The following DYNC2I1 variants were observed in gnomAD, a reference collection of about 807,000 sequenced individuals.
DYNC2I1 encodes the protein cytoplasmic dynein 2 intermediate chain 1.
DYNC2I1 carries 89 observed loss-of-function variants against 133.4 expected under a neutral mutation model. The ratio of observed to expected loss-of-function variants is 0.67; its 90% confidence interval spans 0.56 to 0.80. The LOEUF is 0.80. Among genes scored for constraint, DYNC2I1 ranks in the 30% least tolerant of loss-of-function variants. The probability of loss-of-function intolerance (pLI) is 0.00; values close to 1 mark genes in which losing one functional copy is unlikely to be tolerated. For missense variants in DYNC2I1, 1,291 were observed against 1,314.5 expected (o/e 0.98, Z 0.28); for synonymous variants, 504 against 484.3 (o/e 1.04, Z -0.54).
intron 20 of DYNC2I1, among the ~76,000 whole-genome samples, chr7:158,929,252 A>G (rs759329515): frequency 6.6e-6 from 1 of 152,240 alleles, no homozygotes; most frequent in Non-Finnish European, 1.5e-5. Flanking sequence ...AGAAGGAGTC[A>G]GCCACCATCT....
chr7:158,890,637 G>A (rs981469041), intron 7 of DYNC2I1, among the ~76,000 whole-genome samples: 1 of 151,488 alleles, frequency 6.6e-6, no homozygotes, highest in African/African-American at 2.4e-5. Flanking sequence ...CGCTCTTGTC[G>A]CACAGGCTGG....
At chr7:158,876,547 TAA>T (rs1843373738) in intron 3 of DYNC2I1, 60 bp from the exon 4 acceptor site, 2 of 1,498,672 alleles carry the variant, frequency 1.3e-6, no homozygotes, top group African/African-American at 1.4e-5. Flanking sequence ...AGCAAGATGT[TAA>T]AAGAGTTTTT....
rs535395400 is a variant in DYNC2I1 at position 158,884,713 on chromosome 7, C to G, written c.935+94C>G. 22 of 1,309,436 alleles carry G rather than the reference C, an allele frequency of 1.7e-5. No homozygotes were observed. The African/African-American group carries it at 3.2e-4, about 19-fold the overall frequency. 81.1% of individuals were successfully genotyped at this position (1,309,436 alleles called of 1,614,324 possible). A position where few individuals can be genotyped will look rare whatever the true frequency, so the allele number is the denominator to read the frequency against. On this transcript the variant is annotated intron_variant, in intron 6 of 24. Coordinates refer to ENST00000407559, the MANE Select transcript of DYNC2I1 (RefSeq NM_018051.5). The stretch of plus-strand genomic sequence containing the variant: ...CTTATTGGCTCCGATGACGGCCAGT[C>G]CATGGCAATCAGTTATAGATATACT...
the DYNC2I1 span, among the ~76,000 whole-genome samples, chr7:158,847,576 T>C: frequency 1.2e-4 from 18 of 152,324 alleles, no homozygotes; most frequent in African/African-American, 4.3e-4. Flanking sequence ...CAGATCATAC[T>C]CATACTCCCA....
chr7:158,855,939 C>CTTTTTTTT (rs71200072), upstream of DYNC2I1, among the ~76,000 whole-genome samples: 2 of 119,290 alleles, frequency 1.7e-5, no homozygotes, highest in Non-Finnish European at 3.4e-5. Flanking sequence ...AAGCTCTTTT[C>CTTTTTTTT]TTTTTTTTTT....
chr7:158,871,871 A>G (rs76803469), intron 3 of DYNC2I1, among the ~76,000 whole-genome samples: 10,628 of 152,040 alleles, frequency 0.07, 532 homozygotes, highest in African/African-American at 0.13. Context: ...TGTTTGGGAC[A>G]TTTTCCTCTT....
the DYNC2I1 span, among the ~76,000 whole-genome samples, chr7:158,846,554 A>G: frequency 1.3e-5 from 2 of 152,114 alleles, no homozygotes; most frequent in Non-Finnish European, 2.9e-5. Context: ...GCTGTAATTA[A>G]AAATAAATTA....
chr7:158,880,440 G>A (rs530216971), intron 5 of DYNC2I1, among the ~76,000 whole-genome samples: 5 of 152,184 alleles, frequency 3.3e-5, no homozygotes, highest in Admixed American at 3.3e-4. Flanking sequence ...GGGAGGCTGA[G>A]GTAGGAGAAT....
At chr7:158,944,401 A>C (rs1851678834) in intron 24 of DYNC2I1, among the ~76,000 whole-genome samples, 1 of 152,166 alleles carries the variant, frequency 6.6e-6, no homozygotes, top group South Asian at 2.1e-4. Flanking sequence ...ATAGTTTACC[A>C]AGGGACTGTT....
chr7:158,864,345 C>G (rs895132530), intron 1 of DYNC2I1, among the ~76,000 whole-genome samples: 2 of 151,972 alleles, frequency 1.3e-5, no homozygotes, highest in African/African-American at 4.8e-5. Context: ...GCCGCGGTGT[C>G]TCTGTCATGT....
the DYNC2I1 span, among the ~76,000 whole-genome samples, chr7:158,847,441 G>GA: frequency 2.2e-4 from 34 of 151,756 alleles, no homozygotes; most frequent in South Asian, 8.3e-4. Flanking sequence ...AATGGATACA[G>GA]AAAAAAAAGG....
At chr7:158,857,893 C>T (rs756841478) in intron 1 of DYNC2I1, among the ~76,000 whole-genome samples, 1 of 149,010 alleles carries the variant, frequency 6.7e-6, no homozygotes, top group Non-Finnish European at 1.5e-5. Context: ...TGGGTTCCAG[C>T]GATTCTCCTG....
In DYNC2I1 at chr7:158,930,487, C is replaced by T; in HGVS notation, c.2518C>T (p.His840Tyr). Residue 840 changes from histidine to tyrosine, a missense_variant, in exon 21 of 25, where the codon CAT becomes TAT. Transcript: ENST00000407559. ...GCCTGGAGGGAGGGTCAAGCTGGTA[C>T]ATAGTGCTCTGATCCAGTTGGGTGA... Reference protein sequence around the residue: ...LMPGGRVKLVHSALIQLGDSL... With the variant: ...LMPGGRVKLVYSALIQLGDSL... 1 of 1,613,056 alleles carries T rather than the reference C, an allele frequency of 6.2e-7. No homozygotes were observed. The highest frequency in any genetic ancestry group is 8.5e-7 in the Non-Finnish European group (1 of 1,179,626).
chr7:158,932,097 C>T (rs561749414), intron 21 of DYNC2I1, among the ~76,000 whole-genome samples: 3 of 152,248 alleles, frequency 2.0e-5, no homozygotes, highest in South Asian at 2.1e-4. Flanking sequence ...CTTTGTACCC[C>T]GCATCCCATC....
chr7:158,865,861 C>G (rs531668288), intron 1 of DYNC2I1, among the ~76,000 whole-genome samples: 3 of 152,054 alleles, frequency 2.0e-5, no homozygotes, highest in Non-Finnish European at 2.9e-5. Context: ...GCAGGGAAGT[C>G]GTAAATCACT....
chr7:158,847,086 A>G, the DYNC2I1 span, among the ~76,000 whole-genome samples: 1 of 152,238 alleles, frequency 6.6e-6, no homozygotes, highest in East Asian at 1.9e-4. Flanking sequence ...CATAAAAGCT[A>G]GCTCTGATGC....
chr7:158,889,686 A>G (rs1171793191), intron 7 of DYNC2I1, among the ~76,000 whole-genome samples: 2 of 151,670 alleles, frequency 1.3e-5, no homozygotes, highest in Admixed American at 6.6e-5. Context: ...GTCCTCATCT[A>G]TATAAAAACA....
the DYNC2I1 span, among the ~76,000 whole-genome samples, chr7:158,846,886 G>C: frequency 6.6e-6 from 1 of 152,138 alleles, no homozygotes; most frequent in South Asian, 2.1e-4. Flanking sequence ...TTTGAAAACA[G>C]GAAAATGAAA....
chr7:158,848,188 A>T, the DYNC2I1 span, among the ~76,000 whole-genome samples: 1 of 152,194 alleles, frequency 6.6e-6, no homozygotes, highest in Admixed American at 6.5e-5. Context: ...TGCCACTATA[A>T]GGTCTGTTTG....
Sources: gnomAD v4.1 joint callset for allele counts (sites outside exome capture counted in the v4.1 genomes callset) on GRCh38, gnomAD v4.1.1 for gene constraint, MANE v1.5 for transcripts, NCBI Gene and HGNC (gene_info 2026-07-23, HGNC 2026-07-21) for gene names.